SH2B1: variants seen among roughly 807,000 people sequenced by gnomAD.
SH2B1 encodes SH2B adaptor protein 1.
SH2B1 carries 15 observed loss-of-function variants against 62.6 expected under a neutral mutation model. That is an observed-to-expected ratio of 0.24 (90% CI 0.16 to 0.37). SH2B1 has a LOEUF of 0.37. Among genes scored for constraint, SH2B1 ranks in the 10% least tolerant of loss-of-function variants. The pLI, the probability that SH2B1 is intolerant of heterozygous loss-of-function variation, is 1.00. For synonymous variants in SH2B1, 443 were observed against 438.0 expected (o/e 1.01, Z -0.14); for missense variants, 925 against 1,015.6 (o/e 0.91, Z 1.21).
At chr16:28,853,178 T>A (rs1329796238) in intron 1 of SH2B1, among the ~76,000 whole-genome samples, 22 of 137,162 alleles carry the variant, frequency 1.6e-4, no homozygotes, top group Admixed American at 7.2e-4. Context: ...ATATATATAT[T>A]TTTTGGGTAC....
At chr16:28,867,248 A>C in intron 1 of SH2B1, 83 bp from the exon 2 acceptor site, 1 of 1,286,696 alleles carries the variant, frequency 7.8e-7, no homozygotes, top group South Asian at 1.2e-5. Flanking sequence ...GAGGATGTAG[A>C]AGGAAAGATG....
At chr16:28,857,741 CTTTT>C (rs67567805) in intron 1 of SH2B1, among the ~76,000 whole-genome samples, 3 of 135,264 alleles carry the variant, frequency 2.2e-5, no homozygotes, top group East Asian at 4.5e-4. Flanking sequence ...GTCCGGAGTT[CTTTT>C]TTTTTTTTTT....
chr16:28,872,894 G>C lies in SH2B1; in HGVS notation c.1897+189G>C. 1.3e-6 allele frequency: 1 copy of C among 799,622 alleles called. No homozygotes were observed. The highest frequency in any genetic ancestry group is 1.7e-5 in the African/African-American group (1 of 58,352). 49.5% of individuals were successfully genotyped at this position (799,622 alleles called of 1,614,324 possible). On this transcript the variant is annotated intron_variant, in intron 7 of 7. Transcript: ENST00000684370. This position sits in a 1 kb window ranked among gnomAD's most constrained non-coding sequence, Gnocchi z 5.3. ...GAAATGCGCTGATAGGACACAGGAA[G>C]GCAGAAGGCTCCTGGCCGGAGCCGG...
At chr16:28,851,614 C>T (rs1420480549) in intron 1 of SH2B1, among the ~76,000 whole-genome samples, 3 of 151,474 alleles carry the variant, frequency 2.0e-5, no homozygotes, top group Non-Finnish European at 2.9e-5. Flanking sequence ...AGGCGCCTGC[C>T]ACCACGCCCA....
Position 28,874,150 on chromosome 16 carries a change from T to C in SH2B1, c.*330T>C, listed in dbSNP as rs570309528. 1 of 276,932 alleles carries C rather than the reference T, an allele frequency of 3.6e-6. No homozygotes were observed. Among genetic ancestry groups the C allele is most frequent in the African/African-American group, 2.2e-5 (1 of 45,992 alleles). 17.2% of individuals were successfully genotyped at this position (276,932 alleles called of 1,614,324 possible). A position where few individuals can be genotyped will look rare whatever the true frequency, so the allele number is the denominator to read the frequency against. The stretch of plus-strand genomic sequence containing the variant: ...TCAGTTACATTAAGGTGGTTGTTGT[T>C]GTTGTTTTAAACAAAATGGAGAAGC... On this transcript the variant is annotated 3_prime_UTR_variant, in exon 8 of 8. Transcript: ENST00000684370.
chr16:28,866,849 T>A lies in SH2B1; in HGVS notation c.755T>A (p.Leu252Gln), dbSNP rs1962739557. The stretch of plus-strand genomic sequence containing the variant: ...GCAGGGATGGTGCAGAGGGAAGAGC[T>A]GCTGAGTTTCATGGGGGCTGAGGAG... Reference protein sequence around the residue: ...DGAGMVQREELLSFMGAEEAA... With the variant: ...DGAGMVQREEQLSFMGAEEAA... Residue 252 changes from leucine (L) to glutamine (Q), a missense_variant, in exon 1 of 8, where the codon CTG becomes CAG. By Grantham distance (113) the Leu-to-Gln change is moderately radical (BLOSUM62 -2). Transcript: ENST00000684370. This position sits in a 1 kb window ranked among gnomAD's most constrained non-coding sequence, Gnocchi z 6.3. 1.2e-6 allele frequency: 2 copies of A among 1,604,888 alleles called. No individual in the cohort carries two copies. The highest frequency in any genetic ancestry group is 2.7e-5 in the African/African-American group (2 of 74,824).
intron 1 of SH2B1, among the ~76,000 whole-genome samples, chr16:28,849,093 T>C (rs185265010): frequency 6.6e-6 from 1 of 152,328 alleles, no homozygotes; most frequent in Admixed American, 6.5e-5. Context: ...GTATCATGTG[T>C]AGTATAAACA....
chr16:28,865,181 A>G lies in SH2B1; in HGVS notation c.-914A>G, dbSNP rs1962616273. 2.0e-6 allele frequency: 2 copies of G among 985,514 alleles called. No individual in the cohort carries two copies. The highest frequency in any genetic ancestry group is 1.1e-4 in the East Asian group (1 of 8,958). The allele number at this position is 985,514 out of a possible 1,614,324, so 61.0% of individuals were successfully genotyped here. ...TGTGATGTTTTGTTTACGTGAGGCC[A>G]GCAAAGACTTGACCTGAGCCAACCC... is the stretch of plus-strand genomic sequence containing the variant. On this transcript the variant is annotated 5_prime_UTR_variant, in exon 1 of 8. Transcript: ENST00000684370.
intron 4 of SH2B1, among the ~76,000 whole-genome samples, chr16:28,870,398 C>T (rs751235965): frequency 4.6e-5 from 7 of 152,088 alleles, no homozygotes; most frequent in Non-Finnish European, 7.4e-5. Context: ...ACAGGGACTG[C>T]GACGCCGAGG....
intron 1 of SH2B1, among the ~76,000 whole-genome samples, chr16:28,848,477 GT>G (rs903545933): frequency 3.3e-5 from 5 of 151,920 alleles, no homozygotes; most frequent in Non-Finnish European, 7.4e-5. Context: ...ACTCAGAGGA[GT>G]TTAGGAAACT....
upstream of SH2B1, chr16:28,863,806 C>G: frequency 6.5e-7 from 1 of 1,535,382 alleles, no homozygotes; most frequent in Non-Finnish European, 8.7e-7. Context: ...TGGTCTCTTC[C>G]TTCAGCGACG....
chr16:28,865,112 TG>T lies in SH2B1; in HGVS notation c.-980del. 1.0e-6 allele frequency: 1 copy of T among 985,568 alleles called. No homozygotes were observed. The highest frequency in any genetic ancestry group is 1.2e-6 in the Non-Finnish European group (1 of 829,962). The allele number at this position is 985,568 out of a possible 1,614,324, so 61.1% of individuals were successfully genotyped here. On this transcript the variant is annotated 5_prime_UTR_variant, in exon 1 of 8. Coordinates refer to ENST00000684370, the MANE Select transcript of SH2B1 (RefSeq NM_001387430.1). ...CCTGCCTTTAGGGCATACTCCCCAG[TG>T]GGAGAAGAGGAAGGTGAAAAATCCT... is the stretch of plus-strand genomic sequence containing the variant.
upstream of SH2B1, chr16:28,862,699 T>G (rs1333280033): frequency 7.4e-6 from 1 of 134,556 alleles, no homozygotes; most frequent in Non-Finnish European, 1.5e-5. Context: ...CACCGCAACC[T>G]CTGCCTCCCG....
In SH2B1 at chr16:28,872,731, G is replaced by A; in HGVS notation, c.1897+26G>A. On this transcript the variant is annotated intron_variant, in intron 7 of 7. Coordinates refer to ENST00000684370, the MANE Select transcript of SH2B1 (RefSeq NM_001387430.1). This position sits in a 1 kb window ranked among gnomAD's most constrained non-coding sequence, Gnocchi z 5.3. ...GTGAGCAGAGCAGGTCTGCAGGGGA[G>A]GAGGTGCCCGTGCACCCAAGAAGTG... 1 of 1,613,546 alleles carries A rather than the reference G, an allele frequency of 6.2e-7. No individual in the cohort carries two copies. Among genetic ancestry groups the A allele is most frequent in the Non-Finnish European group, 8.5e-7 (1 of 1,179,688 alleles).
chr16:28,850,790 CA>C (rs1318676580), intron 1 of SH2B1, among the ~76,000 whole-genome samples: 1 of 141,192 alleles, frequency 7.1e-6, no homozygotes, highest in Admixed American at 7.3e-5. Flanking sequence ...ACCCAGGAGG[CA>C]GAGGTTGCAG....
rs973449751 is a variant in SH2B1 at position 28,872,089 on chromosome 16, G to A, written c.1514-101G>A. Reference sequence around the variant, plus strand: ...TGGCCCAGGGGAGTTGGGGACGCATGTGGGGAGCAGGCGCCTTGAGGGGAA... The same window carrying A: ...TGGCCCAGGGGAGTTGGGGACGCATATGGGGAGCAGGCGCCTTGAGGGGAA... On this transcript the variant is annotated intron_variant, in intron 5 of 7. Transcript: ENST00000684370. The surrounding 1 kb of genome is among the most constrained non-coding windows in gnomAD (Gnocchi z 5.3). 2.2e-5 allele frequency: 30 copies of A among 1,380,656 alleles called. 1 individual carries two copies. The highest frequency in any genetic ancestry group is 2.9e-5 in the Non-Finnish European group (28 of 978,786). The allele number at this position is 1,380,656 out of a possible 1,614,324, so 85.5% of individuals were successfully genotyped here.
chr16:28,863,524 C>A (rs935278447), upstream of SH2B1: 1 of 699,354 alleles, frequency 1.4e-6, no homozygotes, highest in Non-Finnish European at 2.3e-6. Context: ...GGCGGCTACT[C>A]TAGCCCTCAG....
At chr16:28,852,286 T>G (rs1441222618) in intron 1 of SH2B1, among the ~76,000 whole-genome samples, 3 of 88,268 alleles carry the variant, frequency 3.4e-5, no homozygotes, top group East Asian at 6.0e-4. Context: ...ATATATATAT[T>G]TACATATATA....
intron 1 of SH2B1, among the ~76,000 whole-genome samples, chr16:28,848,531 A>T (rs1962034218): frequency 6.6e-6 from 1 of 152,046 alleles, no homozygotes; most frequent in Admixed American, 6.6e-5. Flanking sequence ...CTATTGTTTC[A>T]CAATCAGCGC....
Sources: allele counts gnomAD v4.1 joint callset (sites outside exome capture counted in the v4.1 genomes callset), GRCh38; gene constraint gnomAD v4.1.1; non-coding constraint Gnocchi (gnomAD v3.1); transcripts MANE v1.5; gene names NCBI Gene and HGNC (gene_info 2026-07-23, HGNC 2026-07-21).